NBPF6: variants seen among roughly 807,000 people sequenced by gnomAD.
NBPF6 encodes the protein NBPF family member NBPF6.
Under a neutral mutation model 20.8 loss-of-function variants are expected in NBPF6, and 2 were observed. The ratio of observed to expected loss-of-function variants is 0.10; its 90% CI spans 0.04 to 0.30. The LOEUF is 0.30. Among genes scored for constraint, NBPF6 ranks in the 10% least tolerant of loss-of-function variants. The pLI is 1.00. For missense variants in NBPF6, 85 were observed against 260.3 expected (o/e 0.33, Z 4.63); for synonymous variants, 24 against 100.0 (o/e 0.24, Z 4.53).
At position 108,470,656 on chromosome 1, in the gene NBPF6, C is replaced by A. The variant is rs1160886514; in HGVS notation, c.*18C>A. 7.7e-6 allele frequency: 12 copies of A among 1,553,454 alleles called. No homozygotes were observed. Among genetic ancestry groups the A allele is most frequent in the Admixed American group, 2.0e-5 (1 of 50,972 alleles). On this transcript the variant is annotated 3_prime_UTR_variant, in exon 15 of 15. Coordinates refer to ENST00000495380, the MANE Select transcript of NBPF6 (RefSeq NM_001143988.2). ...TAGGATGAAAGAATGTCACAAAAAG[C>A]AGCTTTTCCACTTGATAAAAACAAC...
intron 14 of NBPF6, 85 bp downstream of exon 14, chr1:108,467,750 T>G (rs551922040): frequency 6.8e-7 from 1 of 1,474,652 alleles, no homozygotes; most frequent in East Asian, 2.5e-5. Context: ...GCTTTTTCTC[T>G]CCCATTTGTT....
At chr1:108,465,567 C>A in intron 13 of NBPF6, 143 bp downstream of exon 13, 1 of 369,016 alleles carries the variant, frequency 2.7e-6, no homozygotes, top group Non-Finnish European at 4.8e-6. Flanking sequence ...GTGAGGTGAG[C>A]AAAGGCCTGG....
Position 108,471,349 on chromosome 1 carries a change from G to A in NBPF6, c.*711G>A, listed in dbSNP as rs112723201. Among the ~76,000 whole-genome samples, 17,809 of 152,026 alleles carry A rather than the reference G, an allele frequency of 0.12. 1,653 individuals are homozygous for A. Among genetic ancestry groups the A allele is most frequent in the African/African-American group, 0.25 (10,251 of 41,430 alleles). On this transcript the variant is annotated 3_prime_UTR_variant, in exon 15 of 15. Coordinates refer to ENST00000495380, the MANE Select transcript of NBPF6 (RefSeq NM_001143988.2). ...TGATTAAATTCAGCCTAAACATTTT[G>A]CCAGGAACTCTGCAGAGTCCATGCT...
rs1195607904 is a variant in NBPF6, at chr1:108,465,297, C to T, written c.1533C>T (p.Pro511=). Residue 511 remains proline (P), a synonymous_variant, in exon 13 of 15, where the codon CCC becomes CCT. Transcript: ENST00000495380. The part of the protein sequence containing the change: ...QAQLEPSTLV[P]SCLRLQLDQG... ...AGCTGGAACCAAGCACCCTGGTGCC[C>T]AGTTGTCTGCGACTACAGCTGGATC... The T allele has an allele frequency of 1.7e-6, 2 of 1,189,588 alleles. 1 individual carries two copies. Among genetic ancestry groups the T allele is most frequent in the African/African-American group, 4.1e-5 (2 of 49,044 alleles). 73.7% of individuals were successfully genotyped at this position (1,189,588 alleles called of 1,614,324 possible).
Position 108,467,469 on chromosome 1 carries a change from C to T in NBPF6, c.1679C>T (p.Ser560Phe), listed in dbSNP as rs1205070805. The change falls in exon 14 of 15, where the codon TCT becomes TTT. Residue 560 changes from serine (S) to phenylalanine (F), a missense_variant. Around this residue, in one of 5 missense-constraint regions of NBPF6, gnomAD observed 0 missense variants for 45.1 expected, o/e 0.00. Transcript: ENST00000495380. ...WPFQELVLEPSLGMKNPPQLE... is the reference protein window; with the variant it reads ...WPFQELVLEPFLGMKNPPQLE... ...TTTTCAGAGCTGGTTTTAGAGCCCT[C>T]TCTGGGGATGAAGAACCCTCCCCAG... 1 of 1,536,590 alleles carries T rather than the reference C, an allele frequency of 6.5e-7. No homozygotes were observed. Among genetic ancestry groups the T allele is most frequent in the African/African-American group, 1.4e-5 (1 of 71,326 alleles).
At position 108,470,091 on chromosome 1, in the gene NBPF6, G is replaced by A. The variant is rs1463856465; in HGVS notation, c.1876-506G>A. Reference sequence around the variant, plus strand: ...TCACTACTCCTCTGTTGTAAAATGTGGACCTGGACGTGGATGTTGTCTGAG... The same window carrying A: ...TCACTACTCCTCTGTTGTAAAATGTAGACCTGGACGTGGATGTTGTCTGAG... On this transcript the variant is annotated intron_variant, in intron 14 of 14. Coordinates refer to ENST00000495380, the MANE Select transcript of NBPF6 (RefSeq NM_001143988.2). Among the ~76,000 whole-genome samples, 3 of 83,388 alleles carry A rather than the reference G, an allele frequency of 3.6e-5. No homozygotes were observed. In the East Asian group the frequency reaches 9.0e-4, roughly 25 times the overall value. 54.7% of individuals were successfully genotyped at this position (83,388 alleles called of 152,430 possible).
chr1:108,470,626 G>A lies in NBPF6; in HGVS notation c.1905G>A (p.Arg635=), dbSNP rs1357104197. Residue 635 remains arginine, a synonymous_variant, in exon 15 of 15, where the codon AGG becomes AGA. Transcript: ENST00000495380. ...CAAATACTGCTGAAAGGATGCAAAGGATGATAGGATGAAAGAATGTCACAA... is the reference window on the plus strand; with the variant it reads ...CAAATACTGCTGAAAGGATGCAAAGAATGATAGGATGAAAGAATGTCACAA... ...EIPNTAERMQ[R]MIG 5.1e-6 allele frequency: 8 copies of A among 1,557,672 alleles called. No individual in the cohort carries two copies. The highest frequency in any genetic ancestry group is 7.0e-6 in the Non-Finnish European group (8 of 1,150,340).
In NBPF6 at chr1:108,470,594, C is replaced by T; in HGVS notation, c.1876-3C>T. 1 of 1,551,670 alleles carries T rather than the reference C, an allele frequency of 6.4e-7. No homozygotes were observed. Among genetic ancestry groups the T allele is most frequent in the South Asian group, 1.2e-5 (1 of 83,986 alleles). On this transcript the variant is annotated splice_polypyrimidine_tract_variant and splice_region_variant and intron_variant, in intron 14 of 14. Transcript: ENST00000495380. ...TGATTTTTTTTCTCTCTCTCCCCTA[C>T]AGATACCAAATACTGCTGAAAGGAT... is the stretch of plus-strand genomic sequence containing the variant.
Position 108,467,902 on chromosome 1 carries a change from C to T in NBPF6, c.1875+237C>T, listed in dbSNP as rs1484826964. ...CCTTTTTCTACTGTCTTGAGAGTCC[C>T]TCTCATGGCCACAGGAGAGCCAGGC... is the stretch of plus-strand genomic sequence containing the variant. On this transcript the variant is annotated intron_variant, in intron 14 of 14. Coordinates refer to ENST00000495380, the MANE Select transcript of NBPF6 (RefSeq NM_001143988.2). 2.0e-5 allele frequency among the ~76,000 whole-genome samples: 3 copies of T among 150,562 alleles called. 1 individual carries two copies. Among genetic ancestry groups the T allele is most frequent in the African/African-American group, 7.4e-5 (3 of 40,436 alleles).
Position 108,467,741 on chromosome 1 carries a change from C to T in NBPF6, c.1875+76C>T, listed in dbSNP as rs1182650456. ...ATGGTGACAGCTCATTCTCTCACTG[C>T]TTTTTCTCTCCCATTTGTTCTCTCC... is the stretch of plus-strand genomic sequence containing the variant. On this transcript the variant is annotated intron_variant, in intron 14 of 14. Transcript: ENST00000495380. 41 of 1,520,240 alleles carry T rather than the reference C, an allele frequency of 2.7e-5. 2 individuals are homozygous for T. The highest frequency in any genetic ancestry group is 2.0e-5 in the Admixed American group (1 of 50,618). The allele number at this position is 1,520,240 out of a possible 1,614,324, so 94.2% of individuals were successfully genotyped here.
rs910862580 is a variant in NBPF6 at position 108,471,244 on chromosome 1, G to A, written c.*606G>A. 2.0e-5 allele frequency among the ~76,000 whole-genome samples: 3 copies of A among 152,214 alleles called. No homozygotes were observed. Among genetic ancestry groups the A allele is most frequent in the Non-Finnish European group, 4.4e-5 (3 of 68,042 alleles). ...TTTTGTTGTTGTCATCGATGGTGGTGACATGGACTTGTTTGTGGAGGACGG... is the reference window on the plus strand; with the variant it reads ...TTTTGTTGTTGTCATCGATGGTGGTAACATGGACTTGTTTGTGGAGGACGG... On this transcript the variant is annotated 3_prime_UTR_variant, in exon 15 of 15. Transcript: ENST00000495380.
chr1:108,436,592 CAAAAAAAAAAA>C, the NBPF6 span, among the ~76,000 whole-genome samples: 1 of 16,352 alleles, frequency 6.1e-5, no homozygotes, highest in Non-Finnish European at 2.0e-4. Context: ...GGCTCTGTCT[CAAAAAAAAAAA>C]AAAAAAAAAA....
chr1:108,447,345 T>TCC, upstream of NBPF6, among the ~76,000 whole-genome samples: 1 of 142,108 alleles, frequency 7.0e-6, no homozygotes, highest in South Asian at 2.2e-4. Context: ...TCTTTTTGCA[T>TCC]AGCAACAGGG....
At chr1:108,470,132 C>T (rs2101064518) in intron 14 of NBPF6, among the ~76,000 whole-genome samples, 1 of 85,494 alleles carries the variant, frequency 1.2e-5, no homozygotes, top group Admixed American at 1.3e-4. Context: ...TGCTGCTTCT[C>T]ATATCCAGGG....
At chr1:108,448,253 TTATC>T (rs1455309815), upstream of NBPF6, among the ~76,000 whole-genome samples, 2 of 145,196 alleles carry the variant, frequency 1.4e-5, no homozygotes. Context: ...GGCTGTAAAT[TTATC>T]TATTCTCTGG....
chr1:108,471,252 C>A lies in NBPF6; in HGVS notation c.*614C>A, dbSNP rs1273466530. Among the ~76,000 whole-genome samples the A allele has an allele frequency of 2.0e-5, 3 of 152,188 alleles. No homozygotes were observed. The highest frequency in any genetic ancestry group is 4.4e-5 in the Non-Finnish European group (3 of 68,050). Reference sequence around the variant, plus strand: ...TTGTCATCGATGGTGGTGACATGGACTTGTTTGTGGAGGACGGGTCAGCTC... The same window carrying A: ...TTGTCATCGATGGTGGTGACATGGAATTGTTTGTGGAGGACGGGTCAGCTC... On this transcript the variant is annotated 3_prime_UTR_variant, in exon 15 of 15. Transcript: ENST00000495380.
chr1:108,471,598 C>T lies in NBPF6; in HGVS notation c.*960C>T, dbSNP rs1467144665. The stretch of plus-strand genomic sequence containing the variant: ...GTATTTTATCATCAATTAATCACCC[C>T]TGCCTGTGTCAGTTATTATATTTAT... On this transcript the variant is annotated 3_prime_UTR_variant, in exon 15 of 15. Coordinates refer to ENST00000495380, the MANE Select transcript of NBPF6 (RefSeq NM_001143988.2). Among the ~76,000 whole-genome samples the T allele has an allele frequency of 1.3e-5, 2 of 152,298 alleles. 1 individual carries two copies. The highest frequency in any genetic ancestry group is 4.1e-4 in the South Asian group (2 of 4,822).
the NBPF6 span, among the ~76,000 whole-genome samples, chr1:108,426,458 CAAAT>C: frequency 8.7e-5 from 8 of 91,924 alleles, no homozygotes; most frequent in East Asian, 8.1e-4. Flanking sequence ...AACAAACAAA[CAAAT>C]AACCTCTATA....
chr1:108,429,672 G>T, the NBPF6 span, among the ~76,000 whole-genome samples: 5 of 146,636 alleles, frequency 3.4e-5, no homozygotes, highest in Admixed American at 2.7e-4. Flanking sequence ...TAATTTGATT[G>T]CACTGTGGTC....
Sources: allele counts gnomAD v4.1 joint callset (sites outside exome capture counted in the v4.1 genomes callset), GRCh38; gene constraint gnomAD v4.1.1; regional missense constraint gnomAD v4.1.1; transcripts MANE v1.5; gene names NCBI Gene and HGNC (gene_info 2026-07-23, HGNC 2026-07-21).